Variants in DDX6 observed in about 807,000 individuals in gnomAD.
DDX6 encodes DEAD-box helicase 6.
A neutral mutation model predicts 60.6 loss-of-function variants in DDX6; 7 were observed. The ratio of observed to expected loss-of-function variants is 0.12; its 90% confidence interval spans 0.07 to 0.22. The LOEUF is 0.22. Ranked by LOEUF, DDX6 falls within the 10% of genes least tolerant of loss-of-function variation. DDX6 has a pLI of 1.00. For missense variants in DDX6, 270 were observed against 589.9 expected, an observed-to-expected ratio of 0.46 and a Z score of 5.62; for synonymous variants, 207 against 201.0, an observed-to-expected ratio of 1.03 and a Z score of -0.25.
chr11:118,755,644 T>C (rs1320439643), intron 11 of DDX6, 141 bp from the exon 12 acceptor site: 1 of 574,872 alleles, frequency 1.7e-6, no homozygotes, highest in East Asian at 2.8e-5. Flanking sequence ...TGGCATTACC[T>C]TTCATAATCA....
intron 4 of DDX6, among the ~76,000 whole-genome samples, chr11:118,776,145 T>C (rs1861692126): frequency 6.6e-6 from 1 of 152,298 alleles, no homozygotes; most frequent in East Asian, 1.9e-4. Flanking sequence ...TCAGTCTCTT[T>C]AAAACAAATT....
intron 1 of DDX6, chr11:118,789,220 C>G (rs1862185491): frequency 6.6e-6 from 1 of 151,864 alleles, no homozygotes. Context: ...GGATTACAGG[C>G]GCCTGCCACC....
intron 1 of DDX6, chr11:118,787,016 C>CT (rs1862096863): frequency 1.3e-5 from 2 of 152,126 alleles, no homozygotes; most frequent in African/African-American, 4.8e-5. Flanking sequence ...AAAAAAACAC[C>CT]TTTGTGCCCT....
chr11:118,774,119 C>T (rs1349930913), intron 4 of DDX6, among the ~76,000 whole-genome samples: 1 of 152,148 alleles, frequency 6.6e-6, no homozygotes, highest in Non-Finnish European at 1.5e-5. Context: ...TCTTCACCTT[C>T]TTAGAGTTTC....
In DDX6 at chr11:118,747,901, G is replaced by GCCC. The variant is rs112817807; in HGVS notation, c.*4201_*4203dup. 3 of 101,200 alleles carry GCCC rather than the reference G, an allele frequency of 3.0e-5. No individual in the cohort carries two copies. The highest frequency in any genetic ancestry group is 9.3e-5 in the Admixed American group (1 of 10,776). The allele number at this position is 101,200 out of a possible 1,614,324, so 6.3% of individuals were successfully genotyped here. The stretch of plus-strand genomic sequence containing the variant: ...CATAACACATCCCAACAAAAACAGA[G>GCCC]CCCCCCCCCCCCCCACTGGAACATC... On this transcript the variant is annotated 3_prime_UTR_variant, in exon 14 of 14. Coordinates refer to ENST00000534980, the MANE Select transcript of DDX6 (RefSeq NM_004397.6).
intron 4 of DDX6, among the ~76,000 whole-genome samples, chr11:118,778,131 G>C (rs782720338): frequency 7.2e-5 from 11 of 152,094 alleles, no homozygotes; most frequent in Non-Finnish European, 1.3e-4. Flanking sequence ...GGCAAATACA[G>C]AGGGAGTGCT....
At chr11:118,768,512 G>A (rs903800297) in intron 4 of DDX6, among the ~76,000 whole-genome samples, 160 bp from the exon 5 acceptor site, 11 of 152,114 alleles carry the variant, frequency 7.2e-5, no homozygotes, top group African/African-American at 2.7e-4. Flanking sequence ...AAGTAAATCA[G>A]CACGACCAGT....
At chr11:118,773,658 A>AG (rs1861608420) in intron 4 of DDX6, among the ~76,000 whole-genome samples, 1 of 151,986 alleles carries the variant, frequency 6.6e-6, no homozygotes, top group African/African-American at 2.4e-5. Flanking sequence ...CCTGCTTAAC[A>AG]GGAAAAAAAA....
chr11:118,760,997 G>A (rs1861147722), intron 7 of DDX6, among the ~76,000 whole-genome samples: 1 of 151,998 alleles, frequency 6.6e-6, no homozygotes, highest in Non-Finnish European at 1.5e-5. Flanking sequence ...AAAATTAGCT[G>A]TGCACAGTGG....
At position 118,747,956 on chromosome 11, in the gene DDX6, TC is replaced by T. The variant is rs1860619004; in HGVS notation, c.*4148del. Reference sequence around the variant, plus strand: ...AATTAAGAGAAAGCCAATTTTCCCTTCCCCCAATGTTTCTGAAATTTTGAGT... The same window carrying T: ...AATTAAGAGAAAGCCAATTTTCCCTTCCCCAATGTTTCTGAAATTTTGAGT... On this transcript the variant is annotated 3_prime_UTR_variant, in exon 14 of 14. Coordinates refer to ENST00000534980, the MANE Select transcript of DDX6 (RefSeq NM_004397.6). 2.3e-5 allele frequency: 3 copies of T among 128,992 alleles called. No homozygotes were observed. In the South Asian group the frequency reaches 8.5e-4, roughly 36 times the overall value. 8.0% of individuals were successfully genotyped at this position (128,992 alleles called of 1,614,324 possible).
At position 118,786,209 on chromosome 11, in the gene DDX6, A is replaced by G; in HGVS notation, c.43T>C (p.Ser15Pro). The G allele has an allele frequency of 1.2e-6, 2 of 1,613,748 alleles. No homozygotes were observed. The highest frequency in any genetic ancestry group is 8.5e-7 in the Non-Finnish European group (1 of 1,179,812). The change falls in exon 2 of 14, where the codon TCC becomes CCC. Residue 15 changes from serine to proline, a missense_variant. This residue lies in a region of DDX6 where 102 missense variants were observed against 110.5 expected (regional missense o/e 0.92). Coordinates refer to ENST00000534980, the MANE Select transcript of DDX6 (RefSeq NM_004397.6). ...CCTCTCAGCTGACCATTTTGACTGG[A>G]CAGACCCATTATAACAGGGTTCTCT... ...RTENPVIMGLSSQNGQLRGPV... is the reference protein window; with the variant it reads ...RTENPVIMGLPSQNGQLRGPV...
rs1861966318 is a variant in DDX6, at chr11:118,783,359, CTTTA to C, written c.201-2179_201-2176del. Among the ~76,000 whole-genome samples, 5 of 152,284 alleles carry C rather than the reference CTTTA, an allele frequency of 3.3e-5. No homozygotes were observed. In the Middle Eastern group the frequency reaches 0.017, roughly 518 times the overall value. On this transcript the variant is annotated intron_variant, in intron 2 of 13. Transcript: ENST00000534980. ...TGGTGCGATCATAGCTCACTGCAGC[CTTTA>C]TTATTTGTAGAGACAGGGTCTTGCT...
chr11:118,754,420 T>C (rs187683096), intron 13 of DDX6, among the ~76,000 whole-genome samples: 32 of 152,286 alleles, frequency 2.1e-4, no homozygotes, highest in Admixed American at 1.8e-3. Flanking sequence ...GAAAAACAAA[T>C]TGCTGAAAAA....
Position 118,751,794 on chromosome 11 carries a change from G to A in DDX6, c.*311C>T, listed in dbSNP as rs1452993466. 8.2e-6 allele frequency: 3 copies of A among 365,898 alleles called. No individual in the cohort carries two copies. The highest frequency in any genetic ancestry group is 1.6e-5 in the Non-Finnish European group (3 of 188,122). The allele number at this position is 365,898 out of a possible 1,614,324, so 22.7% of individuals were successfully genotyped here. On this transcript the variant is annotated 3_prime_UTR_variant, in exon 14 of 14. Transcript: ENST00000534980. ...GTTCATTAAGATTCTTCTCTTTTTA[G>A]GGTTTCTCCCCTTCTCTTCTTTCTT...
At chr11:118,768,461 A>G in intron 4 of DDX6, 109 bp from the exon 5 acceptor site, 4 of 1,154,972 alleles carry the variant, frequency 3.5e-6, no homozygotes, top group Non-Finnish European at 4.9e-6. Flanking sequence ...TAAGTGTCCT[A>G]AGTATCCTAC....
intron 3 of DDX6, among the ~76,000 whole-genome samples, chr11:118,780,359 C>G (rs1555164444): frequency 6.6e-6 from 1 of 151,994 alleles, no homozygotes. Context: ...GCTCTGTCAC[C>G]CAGGCTGCAG....
chr11:118,756,219 G>C (rs1555158898), intron 11 of DDX6, 41 bp downstream of exon 11: 3 of 1,568,636 alleles, frequency 1.9e-6, no homozygotes, highest in Non-Finnish European at 1.8e-6. Context: ...AAAACAACTT[G>C]GGAGAAAAAC....
rs375808166 is a variant in DDX6 at position 118,758,907 on chromosome 11, G to A, written c.865-5C>T. ...GGGTTTCTGCAAATGGGAATTCTGG[G>A]GGGGGAGCGGGAAAAAGATGAGTCG... On this transcript the variant is annotated splice_region_variant and splice_polypyrimidine_tract_variant and intron_variant, in intron 8 of 13. Coordinates refer to ENST00000534980, the MANE Select transcript of DDX6 (RefSeq NM_004397.6). 6 of 1,612,718 alleles carry A rather than the reference G, an allele frequency of 3.7e-6. No individual in the cohort carries two copies. Among genetic ancestry groups the A allele is most frequent in the African/African-American group, 2.7e-5 (2 of 74,830 alleles).
chr11:118,788,139 G>A (rs989412358), intron 1 of DDX6: 6 of 152,028 alleles, frequency 3.9e-5, no homozygotes, highest in Admixed American at 3.3e-4. Context: ...GTGAAACTCC[G>A]TTCCACTAAA....
Sources: gnomAD v4.1 joint callset for allele counts (sites outside exome capture counted in the v4.1 genomes callset) on GRCh38, gnomAD v4.1.1 for gene constraint, gnomAD v4.1.1 regional missense constraint, MANE v1.5 for transcripts, NCBI Gene and HGNC (gene_info 2026-07-23, HGNC 2026-07-21) for gene names.